The following ABHD6 variants were observed in gnomAD, a reference collection of about 807,000 sequenced individuals.
The protein encoded by ABHD6 is monoacylglycerol lipase ABHD6.
Under a neutral mutation model 38.8 loss-of-function variants are expected in ABHD6, and 33 were observed. That is an observed-to-expected ratio of 0.85 (90% confidence interval 0.64 to 1.14). The LOEUF (loss-of-function observed/expected upper bound fraction) is 1.14. Ranked by LOEUF, ABHD6 falls within the 50% of genes most tolerant of loss-of-function variation. The pLI, the probability that ABHD6 is intolerant of heterozygous loss-of-function variation, is 0.00. For synonymous variants in ABHD6, 147 were observed against 161.6 expected (o/e 0.91, Z 0.69); for missense variants, 380 against 422.6 (o/e 0.90, Z 0.88).
chr3:58,243,342 A>T (rs927281038), intron 1 of ABHD6, among the ~76,000 whole-genome samples: 1 of 152,180 alleles, frequency 6.6e-6, no homozygotes, highest in African/African-American at 2.4e-5. Flanking sequence ...CCGCCCAGCC[A>T]GTGTTCTTAT....
chr3:58,270,142 T>G (rs377592451), intron 5 of ABHD6, among the ~76,000 whole-genome samples: 1 of 152,064 alleles, frequency 6.6e-6, no homozygotes, highest in Non-Finnish European at 1.5e-5. Flanking sequence ...GATTGGATGA[T>G]TGGATGGATA....
intron 9 of ABHD6, among the ~76,000 whole-genome samples, chr3:58,288,269 T>C (rs1213521185): frequency 1.3e-5 from 2 of 152,162 alleles, no homozygotes; most frequent in African/African-American, 2.4e-5. Flanking sequence ...TCAGCTTCCT[T>C]CTTCTTTGGA....
In ABHD6 at chr3:58,293,465, C is replaced by G; in HGVS notation, c.838-124C>G. 1 of 1,025,018 alleles carries G rather than the reference C, an allele frequency of 9.8e-7. No homozygotes were observed. Among genetic ancestry groups the G allele is most frequent in the Non-Finnish European group, 1.4e-6 (1 of 717,406 alleles). The allele number at this position is 1,025,018 out of a possible 1,614,324, so 63.5% of individuals were successfully genotyped here. On this transcript the variant is annotated intron_variant, in intron 9 of 9. Transcript: ENST00000478253. The surrounding 1 kb of genome is among the most constrained non-coding windows in gnomAD (Gnocchi z 4.4). ...GCCCCAACACCAAAGGGACTTGGTC[C>G]TAAAATTCACATCCTCCTGCCCCAC...
At position 58,259,697 on chromosome 3, in the gene ABHD6, G is replaced by T. The variant is rs1471122588; in HGVS notation, c.119+2992G>T. Among the ~76,000 whole-genome samples the T allele has an allele frequency of 6.6e-6, 1 of 152,012 alleles. No individual in the cohort carries two copies. The stretch of plus-strand genomic sequence containing the variant: ...ACTCTGTCTAAATAAATAAATAAAT[G>T]AAACATAAATATAAATGTAAATAAA... On this transcript the variant is annotated intron_variant, in intron 3 of 9. Transcript: ENST00000478253. This position sits in a 1 kb window ranked among gnomAD's most constrained non-coding sequence, Gnocchi z 4.7.
At chr3:58,258,851 G>T (rs1005841934) in intron 3 of ABHD6, among the ~76,000 whole-genome samples, 1 of 152,168 alleles carries the variant, frequency 6.6e-6, no homozygotes, top group South Asian at 2.1e-4. Flanking sequence ...GGGCGGGAGT[G>T]GGGAGTTGTG....
intron 6 of ABHD6, among the ~76,000 whole-genome samples, chr3:58,272,450 C>T (rs1011228604): frequency 4.6e-5 from 7 of 152,170 alleles, no homozygotes; most frequent in Non-Finnish European, 8.8e-5. Context: ...TTTACTGAAA[C>T]TTAACTAAAT....
At chr3:58,253,820 A>G (rs1487636512) in intron 2 of ABHD6, among the ~76,000 whole-genome samples, 1 of 152,210 alleles carries the variant, frequency 6.6e-6, no homozygotes, top group Admixed American at 6.5e-5. Flanking sequence ...ATCAGAGACA[A>G]AGACAGTGCT....
intron 7 of ABHD6, among the ~76,000 whole-genome samples, chr3:58,280,962 TG>T (rs2097452728): frequency 1.3e-5 from 2 of 152,166 alleles, no homozygotes; most frequent in Admixed American, 1.3e-4. Context: ...ATCCTTCCTC[TG>T]GAAGCTTTGT....
intron 5 of ABHD6, among the ~76,000 whole-genome samples, chr3:58,270,645 G>C (rs764240020): frequency 1.3e-5 from 2 of 152,082 alleles, no homozygotes; most frequent in Non-Finnish European, 2.9e-5. Context: ...CTGGGTGACA[G>C]AGTGAGACCC....
rs556316516 is a variant in ABHD6, at chr3:58,284,402, T to G, written c.682-683T>G. On this transcript the variant is annotated intron_variant, in intron 7 of 9. Coordinates refer to ENST00000478253, the MANE Select transcript of ABHD6 (RefSeq NM_001320126.2). The stretch of plus-strand genomic sequence containing the variant: ...TTAATTTTTTTAATGGAACTTGTTC[T>G]GCGTTTGGATATTACTGGCGAATTA... Among the ~76,000 whole-genome samples the G allele has an allele frequency of 2.0e-5, 3 of 152,284 alleles. No individual in the cohort carries two copies. In the South Asian group the frequency reaches 6.2e-4, roughly 32 times the overall value.
intron 9 of ABHD6, among the ~76,000 whole-genome samples, chr3:58,288,978 C>T (rs1266938389): frequency 2.0e-5 from 3 of 152,024 alleles, no homozygotes; most frequent in African/African-American, 7.2e-5. Flanking sequence ...CCTCATTTGC[C>T]TCACCATAGT....
Position 58,251,108 on chromosome 3 carries a change from G to A in ABHD6, c.-26+1166G>A, listed in dbSNP as rs1243970326. 6.6e-6 allele frequency among the ~76,000 whole-genome samples: 1 copy of A among 152,036 alleles called. No homozygotes were observed. Among genetic ancestry groups the A allele is most frequent in the Non-Finnish European group, 1.5e-5 (1 of 68,012 alleles). ...GCCGAGGCGGGGGGGATCACCTGAGGTCAGGAGTTCGAGACCAGCCCAGCA... is the reference window on the plus strand; with the variant it reads ...GCCGAGGCGGGGGGGATCACCTGAGATCAGGAGTTCGAGACCAGCCCAGCA... On this transcript the variant is annotated intron_variant, in intron 2 of 9. Transcript: ENST00000478253. The surrounding 1 kb of genome is among the most constrained non-coding windows in gnomAD (Gnocchi z 5.4).
intron 7 of ABHD6, among the ~76,000 whole-genome samples, chr3:58,280,369 A>C (rs908451951): frequency 6.6e-6 from 1 of 151,406 alleles, no homozygotes; most frequent in Non-Finnish European, 1.5e-5. Flanking sequence ...CCTTTCTTTC[A>C]CTTCATCAAA....
At chr3:58,250,128 C>T (rs564951047) in intron 2 of ABHD6, among the ~76,000 whole-genome samples, 186 bp downstream of exon 2, 103 of 152,250 alleles carry the variant, frequency 6.8e-4, no homozygotes, top group Non-Finnish European at 1.3e-3. Flanking sequence ...CTGACGCACA[C>T]CCTAAAAGCC....
intron 1 of ABHD6, among the ~76,000 whole-genome samples, chr3:58,244,363 G>C (rs771019057): frequency 7.2e-5 from 11 of 152,146 alleles, no homozygotes; most frequent in Non-Finnish European, 1.6e-4. Flanking sequence ...GAGGCCATAA[G>C]ATATTTTTGC....
Position 58,273,896 on chromosome 3 carries a change from A to C in ABHD6, c.524-762A>C, listed in dbSNP as rs1229961052. Among the ~76,000 whole-genome samples, 2 of 152,180 alleles carry C rather than the reference A, an allele frequency of 1.3e-5. No individual in the cohort carries two copies. Among genetic ancestry groups the C allele is most frequent in the Admixed American group, 6.5e-5 (1 of 15,278 alleles). On this transcript the variant is annotated intron_variant, in intron 6 of 9. Coordinates refer to ENST00000478253, the MANE Select transcript of ABHD6 (RefSeq NM_001320126.2). This position sits in a 1 kb window ranked among gnomAD's most constrained non-coding sequence, Gnocchi z 4.8. ...TCCCAGAACTTAAAGTAAAAAAAGA[A>C]AAAAAAATCTAATTATTTGGCTAAG...
At position 58,267,209 on chromosome 3, in the gene ABHD6, G is replaced by A. The variant is rs1559777149; in HGVS notation, c.140G>A (p.Gly47Asp). 1 of 1,613,964 alleles carries A rather than the reference G, an allele frequency of 6.2e-7. No individual in the cohort carries two copies. The highest frequency in any genetic ancestry group is 8.5e-7 in the Non-Finnish European group (1 of 1,179,988). The change falls in exon 4 of 10, where the codon GGC (glycine) becomes GAC (aspartate). Residue 47 changes from glycine to aspartate, a missense_variant. Coordinates refer to ENST00000478253, the MANE Select transcript of ABHD6 (RefSeq NM_001320126.2). The surrounding 1 kb of genome is among the most constrained non-coding windows in gnomAD (Gnocchi z 4.3). ...IYYWYWRRTL[G>D]MQVRYVHHED... ...TCCAGGTACTGGCGGAGGACATTGG[G>A]CATGCAAGTCCGCTATGTTCACCAT...
At position 58,259,269 on chromosome 3, in the gene ABHD6, A is replaced by G. The variant is rs1003394863; in HGVS notation, c.119+2564A>G. Among the ~76,000 whole-genome samples the G allele has an allele frequency of 2.6e-5, 4 of 152,218 alleles. No individual in the cohort carries two copies. The highest frequency in any genetic ancestry group is 2.9e-5 in the Non-Finnish European group (2 of 68,036). Reference sequence around the variant, plus strand: ...TGTCGAGGAGAAGGCTTTCAGAGTAAGGGTGTTAGGGTAATTTTGATGTTT... The same window carrying G: ...TGTCGAGGAGAAGGCTTTCAGAGTAGGGGTGTTAGGGTAATTTTGATGTTT... On this transcript the variant is annotated intron_variant, in intron 3 of 9. Transcript: ENST00000478253. The surrounding 1 kb of genome is among the most constrained non-coding windows in gnomAD (Gnocchi z 4.7).
Position 58,273,225 on chromosome 3 carries a change from A to G in ABHD6, c.524-1433A>G, listed in dbSNP as rs114202279. Among the ~76,000 whole-genome samples the G allele has an allele frequency of 2.7e-3, 411 of 152,206 alleles. 4 individuals are homozygous for G. The highest frequency in any genetic ancestry group is 9.0e-3 in the African/African-American group (374 of 41,532). ...AGCGTGGGTTTCTGCATCACGACCA[A>G]TATTATTGATGCTACTGCCTTTCAT... On this transcript the variant is annotated intron_variant, in intron 6 of 9. Coordinates refer to ENST00000478253, the MANE Select transcript of ABHD6 (RefSeq NM_001320126.2). The surrounding 1 kb of genome is among the most constrained non-coding windows in gnomAD (Gnocchi z 4.8).
Sources: allele counts gnomAD v4.1 joint callset (sites outside exome capture counted in the v4.1 genomes callset), GRCh38; gene constraint gnomAD v4.1.1; non-coding constraint Gnocchi (gnomAD v3.1); transcripts MANE v1.5; gene names NCBI Gene and HGNC (gene_info 2026-07-23, HGNC 2026-07-21).